Variants in XRCC4 observed in about 807,000 individuals in gnomAD.
XRCC4 encodes the protein X-ray repair cross complementing 4, also known as DNA repair protein XRCC4.
A neutral mutation model predicts 39.1 loss-of-function variants in XRCC4; 28 were observed. The observed-to-expected ratio is 0.72, with a 90% CI of 0.53 to 0.98. The LOEUF is 0.98. Among genes scored for constraint, XRCC4 ranks in the 50% least tolerant of loss-of-function variants. XRCC4 has a pLI of 0.00. For synonymous variants in XRCC4, 123 were observed against 126.4 expected (o/e 0.97, Z 0.18); for missense variants, 350 against 376.4 (o/e 0.93, Z 0.58).
chr5:83,219,870 G>C (rs934131018), intron 6 of XRCC4, among the ~76,000 whole-genome samples: 3 of 151,892 alleles, frequency 2.0e-5, no homozygotes, highest in African/African-American at 7.3e-5. Flanking sequence ...TTTAAATGTG[G>C]CTAAATAGGA....
intron 3 of XRCC4, among the ~76,000 whole-genome samples, chr5:83,189,728 C>T (rs933825592): frequency 2.6e-5 from 4 of 152,086 alleles, no homozygotes; most frequent in Non-Finnish European, 5.9e-5. Context: ...GTTACTGTCC[C>T]TTTTAGGAGG....
At chr5:83,346,253 C>G (rs1029658671) in intron 7 of XRCC4, among the ~76,000 whole-genome samples, 2 of 152,076 alleles carry the variant, frequency 1.3e-5, no homozygotes, top group East Asian at 3.9e-4. Context: ...TCAAACATAA[C>G]AAATTCAGAT....
intron 7 of XRCC4, among the ~76,000 whole-genome samples, chr5:83,282,067 G>A (rs1754560860): frequency 1.3e-5 from 2 of 152,188 alleles, no homozygotes; most frequent in African/African-American, 4.8e-5. Flanking sequence ...ATAAGAGAAA[G>A]AAAAGATGAA....
At chr5:83,214,850 A>G (rs1293490714) in intron 6 of XRCC4, among the ~76,000 whole-genome samples, 2 of 37,390 alleles carry the variant, frequency 5.3e-5, no homozygotes, top group Non-Finnish European at 1.3e-4. Context: ...AAAAAAAAAT[A>G]ATAATAATAA....
intron 1 of XRCC4, among the ~76,000 whole-genome samples, chr5:83,089,305 T>C (rs905887083): frequency 1.2e-4 from 18 of 152,222 alleles, no homozygotes; most frequent in Admixed American, 3.9e-4. Flanking sequence ...GCTGAGTGAT[T>C]CAGTGTATGT....
chr5:83,198,850 G>A (rs1394779220), intron 4 of XRCC4, among the ~76,000 whole-genome samples: 7 of 152,106 alleles, frequency 4.6e-5, no homozygotes, highest in Admixed American at 3.3e-4. Context: ...GATTAATTTT[G>A]TATAGTGTAG....
At chr5:83,337,465 T>C (rs957567813) in intron 7 of XRCC4, among the ~76,000 whole-genome samples, 1 of 152,182 alleles carries the variant, frequency 6.6e-6, no homozygotes, top group Non-Finnish European at 1.5e-5. Flanking sequence ...AGTTGTTATA[T>C]GTCAGACTAC....
At chr5:83,329,472 C>T (rs80007900) in intron 7 of XRCC4, among the ~76,000 whole-genome samples, 5,435 of 151,724 alleles carry the variant, frequency 0.036, 163 homozygotes, top group East Asian at 0.15. Context: ...CAGACAATCC[C>T]AAAAGGAAAA....
At position 83,292,826 on chromosome 5, in the gene XRCC4, A is replaced by G. The variant is rs28360272; in HGVS notation, c.893+34149A>G. Among the ~76,000 whole-genome samples the G allele has an allele frequency of 1.7e-4, 26 of 151,774 alleles. No homozygotes were observed. The East Asian group carries it at 5.0e-3, about 29-fold the overall frequency. On this transcript the variant is annotated intron_variant, in intron 7 of 7. Transcript: ENST00000396027. Reference sequence around the variant, plus strand: ...ATTTAATCAGATATGCATTTTTCTTATTTATTTTCTAGATTGGATGACAAA... The same window carrying G: ...ATTTAATCAGATATGCATTTTTCTTGTTTATTTTCTAGATTGGATGACAAA...
chr5:83,318,469 C>T (rs1755954026), intron 7 of XRCC4, among the ~76,000 whole-genome samples: 2 of 79,986 alleles, frequency 2.5e-5, no homozygotes, highest in Admixed American at 1.5e-4. Context: ...TCGTCTCAGC[C>T]CAAAATCTCC....
At chr5:83,350,781 T>G (rs904694930) in intron 7 of XRCC4, among the ~76,000 whole-genome samples, 2 of 152,216 alleles carry the variant, frequency 1.3e-5, no homozygotes, top group Non-Finnish European at 2.9e-5. Context: ...TAGGTCCCTC[T>G]TGTCAATTTT....
At chr5:83,141,160 C>G (rs912853934) in intron 3 of XRCC4, among the ~76,000 whole-genome samples, 3 of 152,162 alleles carry the variant, frequency 2.0e-5, no homozygotes, top group African/African-American at 7.2e-5. Flanking sequence ...TTTGTGTGTA[C>G]AAGTACATAA....
At chr5:83,187,841 C>A (rs1437322669) in intron 3 of XRCC4, among the ~76,000 whole-genome samples, 1 of 152,082 alleles carries the variant, frequency 6.6e-6, no homozygotes, top group African/African-American at 2.4e-5. Context: ...GACTGAGGAA[C>A]TTACTTTTTA....
Position 83,188,909 on chromosome 5 carries a change from T to C in XRCC4, c.316-6861T>C, listed in dbSNP as rs566963098. 4.1e-4 allele frequency among the ~76,000 whole-genome samples: 62 copies of C among 152,276 alleles called. 1 individual carries two copies. The South Asian group carries it at 0.011, about 28-fold the overall frequency. On this transcript the variant is annotated intron_variant, in intron 3 of 7. Transcript: ENST00000396027. Reference sequence around the variant, plus strand: ...AAAAGATATGCCTAGAGACCTGTGATGAGATCTGGAAGAGTGTCAGGGAAT... The same window carrying C: ...AAAAGATATGCCTAGAGACCTGTGACGAGATCTGGAAGAGTGTCAGGGAAT...
chr5:83,098,557 C>A (rs1197830170), intron 1 of XRCC4, among the ~76,000 whole-genome samples: 1 of 151,878 alleles, frequency 6.6e-6, no homozygotes, highest in African/African-American at 2.4e-5. Context: ...AGAAAAAAAT[C>A]TAACTCAAAA....
chr5:83,231,049 C>G (rs1053447499), intron 6 of XRCC4, among the ~76,000 whole-genome samples: 2 of 151,820 alleles, frequency 1.3e-5, no homozygotes, highest in African/African-American at 4.8e-5. Context: ...AAGTAAAATA[C>G]GTAAAATACA....
intron 3 of XRCC4, among the ~76,000 whole-genome samples, chr5:83,154,500 A>AT (rs1441870290): frequency 6.6e-6 from 1 of 152,190 alleles, no homozygotes; most frequent in South Asian, 2.1e-4. Context: ...GGTCCCAAGC[A>AT]TTTCAGATAA....
intron 7 of XRCC4, among the ~76,000 whole-genome samples, chr5:83,288,652 T>G (rs1411871346): frequency 6.6e-6 from 1 of 151,864 alleles, no homozygotes; most frequent in Non-Finnish European, 1.5e-5. Flanking sequence ...CCACTGTAAA[T>G]CATACCTTGT....
intron 6 of XRCC4, among the ~76,000 whole-genome samples, chr5:83,245,253 A>C (rs1321590954): frequency 6.6e-6 from 1 of 152,032 alleles, no homozygotes; most frequent in Non-Finnish European, 1.5e-5. Flanking sequence ...AAAACTATTC[A>C]GCGCTTAAAT....
Sources: allele counts gnomAD v4.1 joint callset (sites outside exome capture counted in the v4.1 genomes callset), GRCh38; gene constraint gnomAD v4.1.1; transcripts MANE v1.5; gene names NCBI Gene and HGNC (gene_info 2026-07-23, HGNC 2026-07-21).